NLGN1: variants seen among roughly 807,000 people sequenced by gnomAD.
The protein encoded by NLGN1 is neuroligin 1.
A neutral mutation model predicts 65.5 loss-of-function variants in NLGN1; 12 were observed. The observed-to-expected ratio is 0.18, with a 90% CI of 0.12 to 0.30. NLGN1 has a LOEUF of 0.30. Ranked by LOEUF, NLGN1 falls within the 10% of genes least tolerant of loss-of-function variation. NLGN1 has a pLI of 1.00. For synonymous variants in NLGN1, 350 were observed against 359.5 expected (o/e 0.97, Z 0.30); for missense variants, 750 against 1,007.1 (o/e 0.74, Z 3.46).
At chr3:173,798,612 G>A (rs142815525) in intron 3 of NLGN1, among the ~76,000 whole-genome samples, 1 of 152,112 alleles carries the variant, frequency 6.6e-6, no homozygotes, top group Non-Finnish European at 1.5e-5. Context: ...GCAACTGAGT[G>A]TCAATTAATA....
At chr3:174,029,926 G>T (rs1425536408) in intron 4 of NLGN1, among the ~76,000 whole-genome samples, 3 of 152,120 alleles carry the variant, frequency 2.0e-5, no homozygotes, top group Non-Finnish European at 4.4e-5. Context: ...TGAACTGTGA[G>T]TCAATTAAAC....
intron 4 of NLGN1, among the ~76,000 whole-genome samples, chr3:174,193,045 T>C (rs1426274999): frequency 6.6e-6 from 1 of 152,176 alleles, no homozygotes; most frequent in Non-Finnish European, 1.5e-5. Flanking sequence ...TATAACTAAT[T>C]GTCAGCTCCT....
rs770370735 is a variant in NLGN1, at chr3:173,462,920, C to CA, written c.-321+27846dup. On this transcript the variant is annotated intron_variant, in intron 2 of 6. Transcript: ENST00000457714. Reference sequence around the variant, plus strand: ...AAGTCCTCTTTCTAGTTCTTCTCTTCAAAATTCAGTCTGTGTTTTCTTAGC... The same window carrying CA: ...AAGTCCTCTTTCTAGTTCTTCTCTTCAAAAATTCAGTCTGTGTTTTCTTAGC... 3.2e-4 allele frequency among the ~76,000 whole-genome samples: 48 copies of CA among 152,276 alleles called. No individual in the cohort carries two copies. In the Middle Eastern group the frequency reaches 0.01, roughly 32 times the overall value.
At chr3:173,808,568 G>T (rs1011911114) in intron 4 of NLGN1, among the ~76,000 whole-genome samples, 1 of 152,026 alleles carries the variant, frequency 6.6e-6, no homozygotes, top group African/African-American at 2.4e-5. Context: ...GCATATATTT[G>T]TTTGTTATAG....
chr3:173,459,352 A>C (rs1281873891), intron 2 of NLGN1, among the ~76,000 whole-genome samples: 1 of 152,104 alleles, frequency 6.6e-6, no homozygotes, highest in Non-Finnish European at 1.5e-5. Context: ...ACGTTTTTTC[A>C]GGTGCATGTA....
At chr3:173,664,481 A>C (rs896430770) in intron 3 of NLGN1, among the ~76,000 whole-genome samples, 3 of 152,148 alleles carry the variant, frequency 2.0e-5, no homozygotes, top group Admixed American at 2.0e-4. Flanking sequence ...TCATCTGTTT[A>C]TGATAAGGAA....
chr3:173,829,302 A>G (rs1721992825), intron 4 of NLGN1, among the ~76,000 whole-genome samples: 1 of 152,146 alleles, frequency 6.6e-6, no homozygotes. Context: ...TATCTATTTG[A>G]TAATTAGATA....
At chr3:173,716,073 A>T (rs1474742116) in intron 3 of NLGN1, among the ~76,000 whole-genome samples, 1 of 152,172 alleles carries the variant, frequency 6.6e-6, no homozygotes, top group East Asian at 1.9e-4. Flanking sequence ...CATACAAAAA[A>T]CTTTGAATTA....
At chr3:173,817,042 A>C (rs1341498301) in intron 4 of NLGN1, among the ~76,000 whole-genome samples, 1 of 152,260 alleles carries the variant, frequency 6.6e-6, no homozygotes, top group African/African-American at 2.4e-5. Flanking sequence ...ATATTTTATC[A>C]GAAAATATTT....
chr3:173,666,198 A>T (rs948498534), intron 3 of NLGN1, among the ~76,000 whole-genome samples: 6 of 152,102 alleles, frequency 3.9e-5, no homozygotes, highest in Non-Finnish European at 1.5e-5. Flanking sequence ...GTAAATATAT[A>T]TATATATAAT....
chr3:173,441,275 T>C (rs1258636683), intron 2 of NLGN1, among the ~76,000 whole-genome samples: 2 of 152,188 alleles, frequency 1.3e-5, no homozygotes, highest in Non-Finnish European at 2.9e-5. Flanking sequence ...TTTCTTAACA[T>C]TTTTGTGTTC....
chr3:173,596,207 A>G (rs1166848347), intron 2 of NLGN1, among the ~76,000 whole-genome samples: 2 of 151,638 alleles, frequency 1.3e-5, no homozygotes, highest in African/African-American at 4.9e-5. Context: ...ATGTTATTGG[A>G]GAGGTACATT....
intron 4 of NLGN1, among the ~76,000 whole-genome samples, chr3:173,833,318 T>C (rs1722960352): frequency 1.3e-5 from 2 of 152,222 alleles, no homozygotes; most frequent in South Asian, 4.1e-4. Context: ...TTGATGTGCA[T>C]TTATTTAATT....
At chr3:173,899,293 TGAAAGTTTTTCAAATTAG>T (rs1313180336) in intron 4 of NLGN1, among the ~76,000 whole-genome samples, 1 of 152,128 alleles carries the variant, frequency 6.6e-6, no homozygotes, top group Non-Finnish European at 1.5e-5. Flanking sequence ...ATTAACACAT[TGAAAGTTTTTCAAATTAG>T]TAAAAAATTT....
intron 3 of NLGN1, among the ~76,000 whole-genome samples, chr3:173,663,697 T>A (rs1293930723): frequency 1.3e-5 from 2 of 151,958 alleles, no homozygotes; most frequent in Non-Finnish European, 2.9e-5. Context: ...TGGGAACAGT[T>A]TTCAACATGC....
At chr3:173,847,475 C>T (rs1725999786) in intron 4 of NLGN1, among the ~76,000 whole-genome samples, 2 of 151,998 alleles carry the variant, frequency 1.3e-5, no homozygotes. Context: ...ATGATGGCTA[C>T]CAGCTATATT....
chr3:174,127,996 TTGTTC>T (rs1719321067), intron 4 of NLGN1, among the ~76,000 whole-genome samples: 1 of 152,180 alleles, frequency 6.6e-6, no homozygotes, highest in African/African-American at 2.4e-5. Context: ...TTTTGCCACT[TTGTTC>T]TGTCATTTTC....
chr3:173,791,078 C>T (rs915088505), intron 3 of NLGN1, among the ~76,000 whole-genome samples: 1 of 152,164 alleles, frequency 6.6e-6, no homozygotes, highest in Non-Finnish European at 1.5e-5. Flanking sequence ...TATAAGTTGT[C>T]TACAGTCGTT....
chr3:173,579,724 A>C (rs1441849997), intron 2 of NLGN1, among the ~76,000 whole-genome samples: 1 of 152,164 alleles, frequency 6.6e-6, no homozygotes, highest in East Asian at 1.9e-4. Flanking sequence ...GTAAACAGTC[A>C]CCTTTGCAGT....
Sources: allele counts gnomAD v4.1 joint callset (sites outside exome capture counted in the v4.1 genomes callset), GRCh38; gene constraint gnomAD v4.1.1; transcripts MANE v1.5; gene names NCBI Gene and HGNC (gene_info 2026-07-23, HGNC 2026-07-21).